DRC8: variants seen among roughly 807,000 people sequenced by gnomAD.
DRC8 encodes the protein dynein regulatory complex protein 8.
the DRC8 span, chr1:245,002,031 C>T: frequency 9.5e-7 from 1 of 1,048,372 alleles, no homozygotes; most frequent in Non-Finnish European, 1.4e-6. Flanking sequence ...GTGAAAATAC[C>T]AGGGATGATT....
At chr1:245,005,854 C>T in the DRC8 span, among the ~76,000 whole-genome samples, 3 of 152,094 alleles carry the variant, frequency 2.0e-5, no homozygotes, top group Non-Finnish European at 2.9e-5. Flanking sequence ...TACTCTTAAA[C>T]GTGAGTGACG....
chr1:245,045,699 A>G, the DRC8 span, among the ~76,000 whole-genome samples: 2 of 152,180 alleles, frequency 1.3e-5, no homozygotes, highest in Middle Eastern at 6.8e-3. Flanking sequence ...GCTAGGGTGA[A>G]GTTACAAAGT....
chr1:244,996,628 A>C, the DRC8 span, among the ~76,000 whole-genome samples: 1 of 152,340 alleles, frequency 6.6e-6, no homozygotes, highest in East Asian at 1.9e-4. Flanking sequence ...TTGAAGTTTA[A>C]AGAGATCAAG....
the DRC8 span, among the ~76,000 whole-genome samples, chr1:244,977,352 A>C: frequency 6.6e-6 from 1 of 152,018 alleles, no homozygotes; most frequent in Admixed American, 6.6e-5. Context: ...GAAATGGTAC[A>C]TTGTTTTTCA....
the DRC8 span, among the ~76,000 whole-genome samples, chr1:244,996,219 T>C: frequency 1.3e-5 from 2 of 152,068 alleles, no homozygotes; most frequent in Admixed American, 6.6e-5. Context: ...CATAGGCTGC[T>C]TGAGTGCTGC....
At chr1:245,105,072 T>C in the DRC8 span, among the ~76,000 whole-genome samples, 3 of 152,256 alleles carry the variant, frequency 2.0e-5, no homozygotes, top group Admixed American at 6.5e-5. Flanking sequence ...TCCCTGTATT[T>C]CCCGTAGACC....
the DRC8 span, among the ~76,000 whole-genome samples, chr1:245,064,268 G>A: frequency 6.6e-6 from 1 of 152,204 alleles, no homozygotes; most frequent in South Asian, 2.1e-4. Flanking sequence ...GATCCAAGGA[G>A]TGGGGCAAGA....
the DRC8 span, among the ~76,000 whole-genome samples, chr1:245,113,055 CT>C: frequency 1.3e-5 from 2 of 152,158 alleles, no homozygotes; most frequent in African/African-American, 2.4e-5. Context: ...CACCTGGCCC[CT>C]GATACTATTT....
At chr1:244,970,146 G>A in the DRC8 span, 1 of 684,248 alleles carries the variant, frequency 1.5e-6, no homozygotes. Flanking sequence ...GACAAGTCCG[G>A]CTCCGGCCTC....
the DRC8 span, among the ~76,000 whole-genome samples, chr1:245,013,931 C>T: frequency 6.9e-6 from 1 of 145,578 alleles, no homozygotes; most frequent in Non-Finnish European, 1.5e-5. Flanking sequence ...ACTCCAGAGA[C>T]TGAGGCAGGA....
At chr1:245,063,911 C>T in the DRC8 span, among the ~76,000 whole-genome samples, 5 of 152,050 alleles carry the variant, frequency 3.3e-5, no homozygotes, top group Admixed American at 6.6e-5. Context: ...TTAGTAGAGA[C>T]GGGGTTTCAC....
the DRC8 span, chr1:245,017,217 T>C: frequency 1.9e-5 from 30 of 1,579,064 alleles, no homozygotes; most frequent in Admixed American, 6.0e-4. Flanking sequence ...AGTAAACTAA[T>C]TTTTATTTAC....
the DRC8 span, among the ~76,000 whole-genome samples, chr1:245,060,191 A>G: frequency 2.6e-5 from 4 of 152,204 alleles, no homozygotes; most frequent in African/African-American, 9.6e-5. Flanking sequence ...TTTATTTTGC[A>G]CCTAGCGCAG....
At chr1:245,010,681 CTTTTTTT>C in the DRC8 span, among the ~76,000 whole-genome samples, 1 of 127,232 alleles carries the variant, frequency 7.9e-6, no homozygotes, top group Non-Finnish European at 1.6e-5. Context: ...CTTTTTCTTT[CTTTTTTT>C]TTTTTTTTTT....
At chr1:245,081,027 C>G in the DRC8 span, among the ~76,000 whole-genome samples, 1 of 152,202 alleles carries the variant, frequency 6.6e-6, no homozygotes, top group Admixed American at 6.5e-5. Flanking sequence ...ACCTTCTACT[C>G]ATACTCTCTA....
the DRC8 span, among the ~76,000 whole-genome samples, chr1:245,114,693 G>A: frequency 6.6e-6 from 1 of 152,102 alleles, no homozygotes; most frequent in Non-Finnish European, 1.5e-5. Flanking sequence ...TGTAGTAAAG[G>A]GAGAGGCTAT....
chr1:245,011,873 C>T, the DRC8 span, among the ~76,000 whole-genome samples: 1 of 152,008 alleles, frequency 6.6e-6, no homozygotes, highest in Non-Finnish European at 1.5e-5. Flanking sequence ...TATATATAAA[C>T]CATAATATTC....
At chr1:245,102,734 G>A in the DRC8 span, among the ~76,000 whole-genome samples, 1 of 152,248 alleles carries the variant, frequency 6.6e-6, no homozygotes, top group Non-Finnish European at 1.5e-5. Context: ...ACAAAACAGA[G>A]TAGGAGGCAG....
the DRC8 span, among the ~76,000 whole-genome samples, chr1:245,049,669 T>C: frequency 1.3e-5 from 2 of 152,120 alleles, no homozygotes; most frequent in South Asian, 4.2e-4. This position sits in a 1 kb window ranked among gnomAD's most constrained non-coding sequence, Gnocchi z 4.5. Context: ...GGGTCAACAA[T>C]TTGCGGCCCT....
Sources: gnomAD v4.1 joint callset for allele counts (sites outside exome capture counted in the v4.1 genomes callset) on GRCh38, gnomAD v4.1.1 for gene constraint, Gnocchi (gnomAD v3.1) non-coding constraint, MANE v1.5 for transcripts, NCBI Gene and HGNC (gene_info 2026-07-23, HGNC 2026-07-21) for gene names.